The following TENM4 variants were observed in gnomAD, a reference collection of about 807,000 sequenced individuals.
TENM4 encodes teneurin transmembrane protein 4.
In TENM4, 82 loss-of-function variants were observed where a neutral mutation model predicts 243.3. The observed-to-expected ratio is 0.34, with a 90% confidence interval of 0.28 to 0.40. The LOEUF is 0.40. Among genes scored for constraint, TENM4 ranks in the 10% least tolerant of loss-of-function variants. The probability of loss-of-function intolerance (pLI) is 1.00; values close to 1 mark genes in which losing one functional copy is unlikely to be tolerated. For synonymous variants in TENM4, 1,412 were observed against 1,456.3 expected, an observed-to-expected ratio of 0.97 and a Z score of 0.69; for missense variants, 3,138 against 3,673.3, an observed-to-expected ratio of 0.85 and a Z score of 3.77.
intron 6 of TENM4, among the ~76,000 whole-genome samples, chr11:78,940,532 G>A (rs542952957): frequency 3.9e-5 from 6 of 152,286 alleles, no homozygotes; most frequent in Admixed American, 6.5e-5. Context: ...AGACATTCAC[G>A]GATGAGCTCA....
intron 6 of TENM4, among the ~76,000 whole-genome samples, chr11:79,034,946 G>A (rs1859338601): frequency 6.6e-6 from 1 of 152,116 alleles, no homozygotes; most frequent in African/African-American, 2.4e-5. Flanking sequence ...TACTGGAGGG[G>A]GTCTGAGGAG....
chr11:78,826,334 TC>T, intron 12 of TENM4, among the ~76,000 whole-genome samples: 1 of 152,226 alleles, frequency 6.6e-6, no homozygotes, highest in East Asian at 1.9e-4. Flanking sequence ...TGATCCACCC[TC>T]CTTGGCCTCC....
chr11:78,713,320 C>T (rs1054271618), intron 25 of TENM4, among the ~76,000 whole-genome samples: 1 of 152,106 alleles, frequency 6.6e-6, no homozygotes, highest in Admixed American at 6.5e-5. Context: ...TATAAGTGAA[C>T]TGCAGGATTA....
chr11:79,002,845 G>A (rs1305661242), intron 6 of TENM4, among the ~76,000 whole-genome samples: 3 of 152,090 alleles, frequency 2.0e-5, no homozygotes, highest in African/African-American at 4.8e-5. Context: ...ATATGCATAG[G>A]AGCAAAGATC....
chr11:79,004,800 A>G (rs1467820454), intron 6 of TENM4, among the ~76,000 whole-genome samples: 1 of 152,158 alleles, frequency 6.6e-6, no homozygotes, highest in Non-Finnish European at 1.5e-5. Flanking sequence ...AGAAAGATCA[A>G]TGAATCCAGG....
chr11:78,934,738 G>A (rs774707928), intron 6 of TENM4, among the ~76,000 whole-genome samples: 2 of 152,212 alleles, frequency 1.3e-5, no homozygotes, highest in South Asian at 2.1e-4. Context: ...GGCGGTGGGA[G>A]ATGTGTTAAT....
intron 20 of TENM4, among the ~76,000 whole-genome samples, chr11:78,733,342 A>G (rs1478587709): frequency 6.6e-6 from 1 of 152,110 alleles, no homozygotes; most frequent in Non-Finnish European, 1.5e-5. Context: ...CTGAGGAGAA[A>G]CCTGCCCTCC....
In TENM4 at chr11:78,756,881, A is replaced by T. The variant is rs1260536913; in HGVS notation, c.2680T>A (p.Phe894Ile). ...ACGAGGAACTTGATGCGGTCATAGAAGGAGTGTAGGTTCTGCTGTGACACA... is the reference window on the plus strand; with the variant it reads ...ACGAGGAACTTGATGCGGTCATAGATGGAGTGTAGGTTCTGCTGTGACACA... ...VPVSQQNLHS[F>I]YDRIKFLVGR... The change falls in exon 19 of 34, where the codon TTC becomes ATC. Residue 894 changes from phenylalanine to isoleucine, a missense_variant. Phe to Ile is a conservative substitution (Grantham distance 21, BLOSUM62 0). Transcript: ENST00000278550. 2 of 1,613,808 alleles carry T rather than the reference A, an allele frequency of 1.2e-6. No individual in the cohort carries two copies. The highest frequency in any genetic ancestry group is 1.7e-6 in the Non-Finnish European group (2 of 1,179,878).
chr11:79,230,361 C>T (rs941703091), intron 2 of TENM4, among the ~76,000 whole-genome samples: 2 of 152,136 alleles, frequency 1.3e-5, no homozygotes, highest in East Asian at 1.9e-4. Context: ...GTGGCAAGGC[C>T]CCTGTCTTTC....
intron 2 of TENM4, among the ~76,000 whole-genome samples, chr11:79,258,768 G>T (rs1382522514): frequency 6.6e-6 from 1 of 152,164 alleles, no homozygotes; most frequent in African/African-American, 2.4e-5. Context: ...AAAGCTGTTT[G>T]TCTCTTTTTA....
At chr11:79,083,040 C>T (rs956845227) in intron 4 of TENM4, among the ~76,000 whole-genome samples, 1 of 152,194 alleles carries the variant, frequency 6.6e-6, no homozygotes, top group Admixed American at 6.5e-5. Context: ...CAGAGTTCTA[C>T]ACGCCTAATC....
intron 20 of TENM4, among the ~76,000 whole-genome samples, chr11:78,737,538 T>C (rs1021889420): frequency 2.0e-5 from 3 of 152,172 alleles, no homozygotes; most frequent in Non-Finnish European, 4.4e-5. Flanking sequence ...GAGCATAATT[T>C]CCAACACAGA....
chr11:79,301,220 A>G (rs1856544893), intron 1 of TENM4, among the ~76,000 whole-genome samples: 1 of 152,208 alleles, frequency 6.6e-6, no homozygotes, highest in Non-Finnish European at 1.5e-5. Context: ...CTAAAGATAA[A>G]ATCCAAAGTC....
intron 4 of TENM4, among the ~76,000 whole-genome samples, chr11:79,073,987 A>G (rs1383117757): frequency 6.6e-6 from 1 of 152,080 alleles, no homozygotes; most frequent in Non-Finnish European, 1.5e-5. Flanking sequence ...GTGGGTGACT[A>G]TTTCCTCTTA....
intron 6 of TENM4, among the ~76,000 whole-genome samples, chr11:78,926,245 G>C (rs773173931): frequency 6.6e-6 from 1 of 151,794 alleles, no homozygotes; most frequent in Middle Eastern, 3.4e-3. Context: ...GTGAGACTTG[G>C]GAGTGGGGAG....
intron 4 of TENM4, among the ~76,000 whole-genome samples, chr11:79,089,865 A>T (rs1438154716): frequency 6.6e-6 from 1 of 152,140 alleles, no homozygotes; most frequent in Non-Finnish European, 1.5e-5. Flanking sequence ...ATTTTATAGA[A>T]ACTGAGAATC....
intron 2 of TENM4, among the ~76,000 whole-genome samples, chr11:79,290,471 C>T (rs1231810555): frequency 6.6e-6 from 1 of 152,162 alleles, no homozygotes; most frequent in African/African-American, 2.4e-5. Flanking sequence ...CCGATCAATC[C>T]AGTCACAGGC....
intron 2 of TENM4, among the ~76,000 whole-genome samples, chr11:79,236,655 T>C (rs1465772563): frequency 6.6e-6 from 1 of 152,186 alleles, no homozygotes; most frequent in Non-Finnish European, 1.5e-5. Context: ...CTGCAGCAGA[T>C]ACCAAATACA....
chr11:79,240,962 A>T (rs1052464461), intron 2 of TENM4, among the ~76,000 whole-genome samples: 1 of 151,978 alleles, frequency 6.6e-6, no homozygotes, highest in Non-Finnish European at 1.5e-5. Context: ...TTCTTTTTTC[A>T]TATATTCTCT....
Sources: gnomAD v4.1 joint callset for allele counts (sites outside exome capture counted in the v4.1 genomes callset) on GRCh38, gnomAD v4.1.1 for gene constraint, MANE v1.5 for transcripts, NCBI Gene and HGNC (gene_info 2026-07-23, HGNC 2026-07-21) for gene names.